The following C20orf203 variants were observed in gnomAD, a reference collection of about 807,000 sequenced individuals.
C20orf203 encodes uncharacterized protein C20orf203.
Under a neutral mutation model 15.9 loss-of-function variants are expected in C20orf203, and 16 were observed. That is an observed-to-expected ratio of 1.01 (90% CI 0.68 to 1.53). C20orf203 has a LOEUF of 1.53. Among genes scored for constraint, C20orf203 ranks in the 40% most tolerant of loss-of-function variants. The pLI is 0.00. For synonymous variants in C20orf203, 98 were observed against 97.2 expected (o/e 1.01, Z -0.05); for missense variants, 263 against 247.5 (o/e 1.06, Z -0.42).
In C20orf203 at chr20:32,654,079, C is replaced by T. The variant is rs1011386924; in HGVS notation, c.-263-2098G>A. ...CTGCACTCCAGCCTGGGTGATGGAG[C>T]GAAAAAAAAAAAAAGAGAAAATCCT... On this transcript the variant is annotated intron_variant, in intron 1 of 5. Transcript: ENST00000608990. Among the ~76,000 whole-genome samples, 169 of 106,240 alleles carry T rather than the reference C, an allele frequency of 1.6e-3. 1 individual carries two copies. Among genetic ancestry groups the T allele is most frequent in the Non-Finnish European group, 2.8e-3 (138 of 49,000 alleles). The allele number at this position is 106,240 out of a possible 152,430, so 69.7% of individuals were successfully genotyped here. A position where few individuals can be genotyped will look rare whatever the true frequency, so the allele number is the denominator to read the frequency against.
In C20orf203 at chr20:32,650,188, G is replaced by C. The variant is rs775745413; in HGVS notation, c.*244C>G. 3.9e-6 allele frequency: 2 copies of C among 510,010 alleles called. No individual in the cohort carries two copies. The highest frequency in any genetic ancestry group is 3.2e-5 in the Admixed American group (1 of 30,884). The allele number at this position is 510,010 out of a possible 1,614,324, so 31.6% of individuals were successfully genotyped here. ...GGACCAGAGCCTGCCCCGCATGTCC[G>C]GCCGGGGTTCTACCCAGAGCCAGCC... On this transcript the variant is annotated 3_prime_UTR_variant, in exon 4 of 6. Transcript: ENST00000608990.
chr20:32,657,599 C>T (rs192845798), intron 1 of C20orf203: 1 of 151,924 alleles, frequency 6.6e-6, no homozygotes, highest in Admixed American at 6.6e-5. Flanking sequence ...AAAGGCGTCA[C>T]ATTTACTAAC....
intron 1 of C20orf203, among the ~76,000 whole-genome samples, chr20:32,653,346 C>A (rs980936817): frequency 1.3e-5 from 2 of 152,128 alleles, no homozygotes; most frequent in Admixed American, 1.3e-4. Flanking sequence ...AGACATCCCA[C>A]CCTAGGGGAG....
chr20:32,645,596 G>A (rs974573019), intron 4 of C20orf203, among the ~76,000 whole-genome samples: 2 of 152,218 alleles, frequency 1.3e-5, no homozygotes, highest in African/African-American at 4.8e-5. Context: ...CCTGCCCAGC[G>A]CAGAAGCAGA....
intron 5 of C20orf203, among the ~76,000 whole-genome samples, chr20:32,636,315 C>T (rs1406057808): frequency 1.3e-5 from 2 of 152,160 alleles, no homozygotes; most frequent in African/African-American, 2.4e-5. Context: ...TTTGCTTTTT[C>T]TCTCTCTCTT....
At chr20:32,651,218 C>T (rs1982616617) in intron 2 of C20orf203, 52 bp from the exon 3 acceptor site, 4 of 488,462 alleles carry the variant, frequency 8.2e-6, no homozygotes, top group Non-Finnish European at 1.4e-5. Context: ...TGGCTTGCGC[C>T]TGAGGGTTCA....
At chr20:32,661,007 GA>G (rs1478892870) in intron 1 of C20orf203, among the ~76,000 whole-genome samples, 1 of 152,176 alleles carries the variant, frequency 6.6e-6, no homozygotes, top group Non-Finnish European at 1.5e-5. Flanking sequence ...GGGGATTATG[GA>G]AACTATAATT....
Position 32,633,666 on chromosome 20 carries a change from T to G in C20orf203, c.*1904A>C. 4.4e-6 allele frequency: 1 copy of G among 228,698 alleles called. No individual in the cohort carries two copies. The highest frequency in any genetic ancestry group is 8.4e-6 in the Non-Finnish European group (1 of 118,348). 14.2% of individuals were successfully genotyped at this position (228,698 alleles called of 1,614,324 possible). On this transcript the variant is annotated 3_prime_UTR_variant, in exon 6 of 6. Transcript: ENST00000608990. ...AGCTGTCCCTGGCACAGGGTCACAA[T>G]TTGAACCTGGACAGGGGCTCCAGAG...
chr20:32,634,608 G>A (rs1041507447), intron 5 of C20orf203, among the ~76,000 whole-genome samples: 2 of 152,088 alleles, frequency 1.3e-5, no homozygotes, highest in Non-Finnish European at 2.9e-5. Context: ...CACAGAAAAC[G>A]AGTGAAACAG....
intron 1 of C20orf203, 50 bp from the exon 2 acceptor site, chr20:32,652,031 A>G (rs1445512859): frequency 6.6e-6 from 1 of 152,204 alleles, no homozygotes; most frequent in Non-Finnish European, 1.5e-5. Context: ...TGCAAAGCAA[A>G]TGTGGCTGGA....
intron 1 of C20orf203, chr20:32,656,551 A>G (rs1459526209): frequency 1.3e-5 from 2 of 152,172 alleles, no homozygotes; most frequent in Non-Finnish European, 2.9e-5. Flanking sequence ...GAGAAATGAA[A>G]ACATGTATTC....
At position 32,650,399 on chromosome 20, in the gene C20orf203, G is replaced by C; in HGVS notation, c.*33C>G. On this transcript the variant is annotated 3_prime_UTR_variant, in exon 4 of 6. Coordinates refer to ENST00000608990, the MANE Select transcript of C20orf203 (RefSeq NM_182584.4). ...GTGGTGGCCTTGGTAGGACAGGCAG[G>C]CAGAGCTGGGGGTGGGGGCGCCCTG... is the stretch of plus-strand genomic sequence containing the variant. 6.7e-7 allele frequency: 1 copy of C among 1,486,416 alleles called. No individual in the cohort carries two copies. Among genetic ancestry groups the C allele is most frequent in the Non-Finnish European group, 9.1e-7 (1 of 1,094,696 alleles). The allele number at this position is 1,486,416 out of a possible 1,614,324, so 92.1% of individuals were successfully genotyped here. A position where few individuals can be genotyped will look rare whatever the true frequency, so the allele number is the denominator to read the frequency against.
At chr20:32,672,836 C>G (rs1196780752) in intron 1 of C20orf203, among the ~76,000 whole-genome samples, 1 of 152,084 alleles carries the variant, frequency 6.6e-6, no homozygotes, top group Non-Finnish European at 1.5e-5. Flanking sequence ...CTGCTGTCTT[C>G]CCACAGGGCT....
At position 32,650,678 on chromosome 20, in the gene C20orf203, G is replaced by A; in HGVS notation, c.339C>T (p.Ser113=). The part of the protein sequence containing the change: ...GWGEVGGLRL[S]KVGRRDREVG... ...CTTCCCTATCTCTCCGACCCACCTT[G>A]CTGAGCCTGAGGCCTCCAACTTCCC... is the stretch of plus-strand genomic sequence containing the variant. Residue 113 remains serine (S), a synonymous_variant, in exon 4 of 6, where the codon AGC becomes AGT. Transcript: ENST00000608990. 1 of 1,548,986 alleles carries A rather than the reference G, an allele frequency of 6.5e-7. No individual in the cohort carries two copies. The highest frequency in any genetic ancestry group is 8.7e-7 in the Non-Finnish European group (1 of 1,146,434).
intron 1 of C20orf203, among the ~76,000 whole-genome samples, chr20:32,665,847 A>G (rs1046523245): frequency 6.6e-6 from 1 of 152,060 alleles, no homozygotes; most frequent in Non-Finnish European, 1.5e-5. Flanking sequence ...GAGGCAGGAA[A>G]ATCGCTTGAA....
In C20orf203 at chr20:32,634,013, A is replaced by C. The variant is rs529148275; in HGVS notation, c.*1557T>G. On this transcript the variant is annotated 3_prime_UTR_variant, in exon 6 of 6. Transcript: ENST00000608990. ...GTCCAACTCTTCACTCCTTTCCTCA[A>C]CAAACATTGACTGAAATTGAAATGA... The C allele has an allele frequency of 2.5e-6, 1 of 398,528 alleles. No homozygotes were observed. The highest frequency in any genetic ancestry group is 4.4e-6 in the Non-Finnish European group (1 of 226,060). 24.7% of individuals were successfully genotyped at this position (398,528 alleles called of 1,614,324 possible).
At chr20:32,642,430 A>G (rs1237922997) in intron 4 of C20orf203, among the ~76,000 whole-genome samples, 1 of 152,222 alleles carries the variant, frequency 6.6e-6, no homozygotes, top group Non-Finnish European at 1.5e-5. Flanking sequence ...GAAAAAACAC[A>G]CAGACCAAGA....
intron 1 of C20orf203, chr20:32,657,124 G>C (rs1438839807): frequency 6.5e-6 from 1 of 153,894 alleles, no homozygotes; most frequent in Non-Finnish European, 1.4e-5. Context: ...TGAGGTGGGA[G>C]AATCACCTGA....
intron 4 of C20orf203, among the ~76,000 whole-genome samples, chr20:32,647,395 CAA>C (rs1181319264): frequency 6.2e-4 from 58 of 93,950 alleles, no homozygotes; most frequent in African/African-American, 1.7e-3. Flanking sequence ...AACTCCGTCT[CAA>C]AAAAAAAAAA....
Sources: allele counts gnomAD v4.1 joint callset (sites outside exome capture counted in the v4.1 genomes callset), GRCh38; gene constraint gnomAD v4.1.1; transcripts MANE v1.5; gene names NCBI Gene and HGNC (gene_info 2026-07-23, HGNC 2026-07-21).